SH3TC1: variants seen among roughly 807,000 people sequenced by gnomAD.
SH3TC1 encodes SH3 domain and tetratricopeptide repeat-containing protein 1.
Under a neutral mutation model 117.3 loss-of-function variants are expected in SH3TC1, and 135 were observed. The observed-to-expected ratio is 1.15, with a 90% CI of 1.00 to 1.33. SH3TC1 has a LOEUF of 1.33. Among genes scored for constraint, SH3TC1 ranks in the 40% most tolerant of loss-of-function variants. SH3TC1 has a pLI of 0.00. For synonymous variants in SH3TC1, 898 were observed against 816.9 expected (o/e 1.10, Z -1.69); for missense variants, 2,092 against 1,794.3 (o/e 1.17, Z -3.00).
rs1392508195 is a variant in SH3TC1, at chr4:8,235,521, C to T, written c.3371C>T (p.Ala1124Val). ...EAAGDIFFDG[A>V]WEREKAVSFY... ...GCTGGAGACATCTTCTTCGACGGGG[C>T]CTGGGAGCGGGAGAAAGCTGTGTCC... Residue 1124 changes from alanine (A) to valine (V), a missense_variant, in exon 15 of 18, where the codon GCC (alanine) becomes GTC (valine). Ala to Val is a moderately conservative substitution (Grantham distance 64). Transcript: ENST00000245105. 1.2e-6 allele frequency: 2 copies of T among 1,606,008 alleles called. No individual in the cohort carries two copies. Among genetic ancestry groups the T allele is most frequent in the Middle Eastern group, 1.7e-4 (1 of 6,020 alleles).
At chr4:8,217,258 A>C in intron 7 of SH3TC1, 91 bp downstream of exon 7, 1 of 1,497,216 alleles carries the variant, frequency 6.7e-7, no homozygotes, top group Non-Finnish European at 9.1e-7. Flanking sequence ...ATGGACAGGG[A>C]ATGGTGGGGG....
At chr4:8,195,516 G>A (rs911120924), upstream of SH3TC1, among the ~76,000 whole-genome samples, 1 of 152,198 alleles carries the variant, frequency 6.6e-6, no homozygotes, top group Non-Finnish European at 1.5e-5. Flanking sequence ...CAGTTGGGGA[G>A]GCTCTTGGAA....
In SH3TC1 at chr4:8,205,878, A is replaced by C; in HGVS notation, c.172+512A>C. The C allele has an allele frequency of 3.6e-6, 2 of 557,402 alleles. No homozygotes were observed. The highest frequency in any genetic ancestry group is 3.2e-6 in the Non-Finnish European group (1 of 312,612). The allele number at this position is 557,402 out of a possible 1,614,324, so 34.5% of individuals were successfully genotyped here. ...TAGGTGATCTCCAGGATCCCCTCTT[A>C]CCCCCATCCTGAGACCCTGAAGGGG... On this transcript the variant is annotated intron_variant, in intron 2 of 17. Transcript: ENST00000245105. The surrounding 1 kb of genome is among the most constrained non-coding windows in gnomAD (Gnocchi z 5.4).
At chr4:8,187,329 G>A (rs1174803687) in intron 1 of SH3TC1, among the ~76,000 whole-genome samples, 2 of 149,726 alleles carry the variant, frequency 1.3e-5, no homozygotes, top group African/African-American at 5.1e-5. Context: ...CTGGCTGAAG[G>A]GTGTTGGTTG....
rs1722305266 is a variant in SH3TC1 at position 8,241,056 on chromosome 4, G to A, written c.*101G>A. The A allele has an allele frequency of 3.6e-5, 54 of 1,498,258 alleles. No individual in the cohort carries two copies. Among genetic ancestry groups the A allele is most frequent in the Admixed American group, 8.3e-5 (4 of 48,226 alleles). 92.8% of individuals were successfully genotyped at this position (1,498,258 alleles called of 1,614,324 possible). On this transcript the variant is annotated 3_prime_UTR_variant, in exon 18 of 18. Coordinates refer to ENST00000245105, the MANE Select transcript of SH3TC1 (RefSeq NM_018986.5). ...TTTTCTGGCAAATGGAGGCACGAACGCAGGGGCCAAATAGCAATAAATGGG... is the reference window on the plus strand; with the variant it reads ...TTTTCTGGCAAATGGAGGCACGAACACAGGGGCCAAATAGCAATAAATGGG...
At position 8,227,741 on chromosome 4, in the gene SH3TC1, G is replaced by T. The variant is rs1720649512; in HGVS notation, c.2047G>T (p.Glu683Ter). The change falls in exon 12 of 18, where the codon GAG (glutamate) becomes TAG (stop). Residue 683 changes from glutamate (E) to a stop codon, truncating the protein, a stop_gained. Coordinates refer to ENST00000245105, the MANE Select transcript of SH3TC1 (RefSeq NM_018986.5). LOFTEE classifies it high-confidence loss of function. ...RHHVHLKQPE[E>*]ALPFLERLLL... ...CCACGTGCACCTCAAGCAGCCCGAG[G>T]AGGCCCTGCCCTTCCTAGAGCGGCT... 6.2e-7 allele frequency: 1 copy of T among 1,605,322 alleles called. No individual in the cohort carries two copies. Among genetic ancestry groups the T allele is most frequent in the African/African-American group, 1.3e-5 (1 of 74,930 alleles).
intron 8 of SH3TC1, 41 bp downstream of exon 8, chr4:8,218,388 T>G: frequency 6.7e-7 from 1 of 1,483,920 alleles, no homozygotes; most frequent in Non-Finnish European, 9.4e-7. Flanking sequence ...GGGAAATGTG[T>G]GTGCTAGGGA....
Position 8,199,417 on chromosome 4 carries a change from T to A in SH3TC1, c.-29+12T>A, listed in dbSNP as rs890635318. On this transcript the variant is annotated intron_variant, in intron 1 of 17. Coordinates refer to ENST00000245105, the MANE Select transcript of SH3TC1 (RefSeq NM_018986.5). ...GGAACACGCCGCAGGTATGGGGGGC[T>A]CCGGGGCAGGCGGGGCGTGGACTGG... 3 of 152,352 alleles carry A rather than the reference T, an allele frequency of 2.0e-5. No individual in the cohort carries two copies. The highest frequency in any genetic ancestry group is 7.2e-5 in the African/African-American group (3 of 41,424). 9.4% of individuals were successfully genotyped at this position (152,352 alleles called of 1,614,324 possible).
At chr4:8,217,438 T>C (rs2152986356) in intron 7 of SH3TC1, among the ~76,000 whole-genome samples, 1 of 152,308 alleles carries the variant, frequency 6.6e-6, no homozygotes, top group South Asian at 2.1e-4. Context: ...TGGCATGAGC[T>C]CTCACCAGGC....
At chr4:8,219,567 C>G (rs1336528535) in intron 9 of SH3TC1, 37 bp downstream of exon 9, 1 of 1,465,054 alleles carries the variant, frequency 6.8e-7, no homozygotes, top group Admixed American at 2.5e-5. Flanking sequence ...CCTGAACCCA[C>G]CCCCATCTCA....
At chr4:8,194,058 CT>C (rs777368607) in intron 1 of SH3TC1, among the ~76,000 whole-genome samples, 45 of 152,366 alleles carry the variant, frequency 3.0e-4, no homozygotes, top group Middle Eastern at 6.8e-3. Context: ...GCCAGCACCC[CT>C]GGCTTGAGTT....
chr4:8,196,674 C>T (rs1292868505), upstream of SH3TC1, among the ~76,000 whole-genome samples: 2 of 152,138 alleles, frequency 1.3e-5, no homozygotes, highest in African/African-American at 4.8e-5. This position sits in a 1 kb window ranked among gnomAD's most constrained non-coding sequence, Gnocchi z 4.6. Flanking sequence ...GGACAGAGGC[C>T]TCCAGCTGGT....
At chr4:8,226,886 GAC>G (rs1720500569) in intron 11 of SH3TC1, 92 bp from the exon 12 acceptor site, 2 of 899,706 alleles carry the variant, frequency 2.2e-6, no homozygotes, top group East Asian at 5.8e-5. Flanking sequence ...CTGCGCCGGG[GAC>G]ACAGAGGCTG....
Position 8,232,073 on chromosome 4 carries a change from G to C in SH3TC1, c.3048G>C (p.Leu1016=), listed in dbSNP as rs1389427995. ...TCTACCATGAGCTCCAGCTCTCCCT[G>C]GCCTGCAAGGTGGCCGACAAGGTGC... The part of the protein sequence containing the change: ...CVIYHELQLS[L]ACKVADKVLE... Residue 1016 remains leucine (L), a synonymous_variant, in exon 13 of 18, where the codon CTG becomes CTC. Transcript: ENST00000245105. 6.2e-7 allele frequency: 1 copy of C among 1,613,472 alleles called. No individual in the cohort carries two copies. Among genetic ancestry groups the C allele is most frequent in the Non-Finnish European group, 8.5e-7 (1 of 1,179,996 alleles).
At chr4:8,199,115 G>C (rs1188303249), upstream of SH3TC1, among the ~76,000 whole-genome samples, 1 of 152,212 alleles carries the variant, frequency 6.6e-6, no homozygotes, top group African/African-American at 2.4e-5. Context: ...GCAGGACAGG[G>C]CCTGGACCTC....
At chr4:8,238,912 CA>C (rs909859020) in intron 17 of SH3TC1, among the ~76,000 whole-genome samples, 4 of 152,200 alleles carry the variant, frequency 2.6e-5, no homozygotes, top group African/African-American at 9.6e-5. Flanking sequence ...GCTGTCAGCG[CA>C]GGCCAGCTTC....
intron 14 of SH3TC1, among the ~76,000 whole-genome samples, chr4:8,234,838 C>T (rs1453675518): frequency 1.3e-5 from 2 of 152,258 alleles, no homozygotes; most frequent in Admixed American, 1.3e-4. Context: ...TACAGAAGAA[C>T]TTGCTCCAAG....
chr4:8,216,470 G>A (rs1270631233), intron 6 of SH3TC1, among the ~76,000 whole-genome samples: 1 of 152,200 alleles, frequency 6.6e-6, no homozygotes, highest in African/African-American at 2.4e-5. Context: ...GGGACACAGA[G>A]GTGCCTGGGA....
Position 8,188,362 on chromosome 4 carries a change from T to G in SH3TC1, c.-57+6152T>G, listed in dbSNP as rs116598084. Among the ~76,000 whole-genome samples the G allele has an allele frequency of 3.9e-3, 601 of 152,288 alleles. 4 individuals are homozygous for G. The highest frequency in any genetic ancestry group is 0.014 in the African/African-American group (576 of 41,568). On this transcript the variant is annotated intron_variant, in intron 1 of 16. Coordinates refer to the SH3TC1 transcript ENST00000508641. Reference sequence around the variant, plus strand: ...CCCAGCATCGGGCAGGCAGGTTGGATCTGGGCAACACCGCCTGCTGACCCT... The same window carrying G: ...CCCAGCATCGGGCAGGCAGGTTGGAGCTGGGCAACACCGCCTGCTGACCCT...
Sources: allele counts gnomAD v4.1 joint callset (sites outside exome capture counted in the v4.1 genomes callset), GRCh38; gene constraint gnomAD v4.1.1; non-coding constraint Gnocchi (gnomAD v3.1); transcripts MANE v1.5; gene names NCBI Gene and HGNC (gene_info 2026-07-23, HGNC 2026-07-21).